ARHGEF26: variants seen among roughly 807,000 people sequenced by gnomAD.
ARHGEF26 encodes the protein Rho guanine nucleotide exchange factor 26, also known as Rho guanine nucleotide exchange factor (GEF) 26.
A neutral mutation model predicts 89.4 loss-of-function variants in ARHGEF26; 59 were observed. The observed-to-expected ratio is 0.66, with a 90% CI of 0.54 to 0.82. The LOEUF (loss-of-function observed/expected upper bound fraction) is 0.82. ARHGEF26 is among the 40% of genes least tolerant of loss of function. The probability of loss-of-function intolerance (pLI) is 0.00; values close to 1 mark genes in which losing one functional copy is unlikely to be tolerated. For missense variants in ARHGEF26, 1,234 were observed against 1,085.6 expected, an observed-to-expected ratio of 1.14 and a Z score of -1.92; for synonymous variants, 500 against 428.4, an observed-to-expected ratio of 1.17 and a Z score of -2.06.
At chr3:154,220,853 A>G (rs950082085) in intron 10 of ARHGEF26, among the ~76,000 whole-genome samples, 16 of 152,294 alleles carry the variant, frequency 1.1e-4, no homozygotes, top group African/African-American at 3.4e-4. Context: ...CTATAGAGGG[A>G]AAAAGACCAT....
At chr3:154,147,400 G>T (rs532394289) in intron 4 of ARHGEF26, among the ~76,000 whole-genome samples, 1 of 152,206 alleles carries the variant, frequency 6.6e-6, no homozygotes, top group African/African-American at 2.4e-5. Context: ...GACAGAGTGA[G>T]ACTCTATCTC....
At chr3:154,225,585 T>C (rs1716432195) in intron 10 of ARHGEF26, among the ~76,000 whole-genome samples, 1 of 152,218 alleles carries the variant, frequency 6.6e-6, no homozygotes, top group African/African-American at 2.4e-5. Context: ...CATAATTTTT[T>C]ATTGATCCAA....
chr3:154,196,524 C>G (rs1041803369), intron 9 of ARHGEF26, among the ~76,000 whole-genome samples: 1 of 152,166 alleles, frequency 6.6e-6, no homozygotes, highest in Non-Finnish European at 1.5e-5. Flanking sequence ...ATTTTACTTA[C>G]CCTCTTCCTT....
chr3:154,196,366 T>A (rs962081143), intron 9 of ARHGEF26, among the ~76,000 whole-genome samples: 1 of 152,076 alleles, frequency 6.6e-6, no homozygotes, highest in African/African-American at 2.4e-5. Context: ...GGATACTGTA[T>A]GAGGTTGGCA....
intron 6 of ARHGEF26, among the ~76,000 whole-genome samples, chr3:154,177,516 G>C (rs1353474633): frequency 6.6e-6 from 1 of 152,100 alleles, no homozygotes; most frequent in Admixed American, 6.5e-5. Context: ...GACTGGGGTG[G>C]GGGACATGTT....
chr3:154,228,417 G>A (rs907192444), intron 11 of ARHGEF26, among the ~76,000 whole-genome samples: 7 of 150,856 alleles, frequency 4.6e-5, no homozygotes, highest in Non-Finnish European at 1.0e-4. Flanking sequence ...AATTAGAGGC[G>A]TGAGCCACCG....
At chr3:154,227,294 T>A (rs909895223) in intron 11 of ARHGEF26, among the ~76,000 whole-genome samples, 33 of 2,382 alleles carry the variant, frequency 0.014, no homozygotes, top group African/African-American at 0.091. Flanking sequence ...AAGTAAAAAT[T>A]TTTTTTTTTT....
intron 4 of ARHGEF26, among the ~76,000 whole-genome samples, chr3:154,135,026 G>A (rs368854894): frequency 6.6e-6 from 1 of 152,148 alleles, no homozygotes. Context: ...TAAGGATATT[G>A]GCTTGAAGTT....
chr3:154,239,299 AGTGTGTGTGTGTGTGTGT>A (rs142191516), intron 11 of ARHGEF26, among the ~76,000 whole-genome samples: 23 of 64,324 alleles, frequency 3.6e-4, no homozygotes, highest in South Asian at 1.5e-3. Flanking sequence ...AGAGAGAGAG[AGTGTGTGTGTGTGTGTGT>A]GTGTGTGTGT....
At chr3:154,181,834 A>T (rs1054148860) in intron 6 of ARHGEF26, among the ~76,000 whole-genome samples, 1 of 152,166 alleles carries the variant, frequency 6.6e-6, no homozygotes, top group African/African-American at 2.4e-5. Context: ...TCAGTGATAA[A>T]AGCAAGGTAG....
chr3:154,146,426 C>CTGA (rs111381372), intron 4 of ARHGEF26, among the ~76,000 whole-genome samples: 1 of 151,706 alleles, frequency 6.6e-6, no homozygotes, highest in African/African-American at 2.4e-5. Context: ...GGTGGAGTGT[C>CTGA]TAATTACCTT....
intron 2 of ARHGEF26, among the ~76,000 whole-genome samples, chr3:154,123,699 G>A (rs1718144494): frequency 6.6e-6 from 1 of 152,084 alleles, no homozygotes; most frequent in African/African-American, 2.4e-5. Flanking sequence ...TTTTATTCCC[G>A]TTGTATGCCC....
intron 6 of ARHGEF26, among the ~76,000 whole-genome samples, chr3:154,177,775 C>T (rs1418293595): frequency 6.6e-6 from 1 of 152,126 alleles, no homozygotes; most frequent in African/African-American, 2.4e-5. Flanking sequence ...ATAAGATTCA[C>T]TTGAAAAGGG....
At chr3:154,200,008 T>C (rs1162615046) in intron 9 of ARHGEF26, among the ~76,000 whole-genome samples, 2 of 152,074 alleles carry the variant, frequency 1.3e-5, no homozygotes, top group African/African-American at 4.8e-5. Context: ...ATTCTGGGGG[T>C]TGTCTCTTCC....
At chr3:154,228,943 T>C (rs1321848586) in intron 11 of ARHGEF26, among the ~76,000 whole-genome samples, 3 of 152,176 alleles carry the variant, frequency 2.0e-5, no homozygotes, top group African/African-American at 7.2e-5. Context: ...TTCCAGTGGT[T>C]TTCCTCTTCA....
At chr3:154,175,874 G>GTA (rs1203264860) in intron 6 of ARHGEF26, among the ~76,000 whole-genome samples, 1 of 152,208 alleles carries the variant, frequency 6.6e-6, no homozygotes, top group African/African-American at 2.4e-5. Flanking sequence ...ATGGAAAGAT[G>GTA]TATAAACCCA....
intron 6 of ARHGEF26, among the ~76,000 whole-genome samples, chr3:154,173,315 C>T (rs866298373): frequency 5.4e-5 from 8 of 148,418 alleles, no homozygotes; most frequent in Middle Eastern, 6.9e-3. Flanking sequence ...TTTTGTCTGT[C>T]TCAGATTATG....
In ARHGEF26 at chr3:154,211,726, T is replaced by C. The variant is rs188393276; in HGVS notation, c.1846-6143T>C. Among the ~76,000 whole-genome samples, 4 of 152,350 alleles carry C rather than the reference T, an allele frequency of 2.6e-5. No individual in the cohort carries two copies. The East Asian group carries it at 7.7e-4, about 29-fold the overall frequency. On this transcript the variant is annotated intron_variant, in intron 9 of 14. Coordinates refer to ENST00000465093, the MANE Select transcript of ARHGEF26 (RefSeq NM_015595.4). ...ATCAGTGGAGTCTTCTATTCCATTA[T>C]CTTAGTTGGCCTTGGGCCAATATAT...
intron 10 of ARHGEF26, 84 bp downstream of exon 10, chr3:154,218,042 A>C (rs964427004): frequency 4.1e-6 from 5 of 1,225,668 alleles, no homozygotes; most frequent in Middle Eastern, 1.9e-4. Context: ...CAAAGTAGAT[A>C]GGAAATTGCT....
Sources: gnomAD v4.1 joint callset for allele counts (sites outside exome capture counted in the v4.1 genomes callset) on GRCh38, gnomAD v4.1.1 for gene constraint, MANE v1.5 for transcripts, NCBI Gene and HGNC (gene_info 2026-07-23, HGNC 2026-07-21) for gene names.